Variants in RIT2 observed in about 807,000 individuals in gnomAD.
RIT2 encodes GTP-binding protein Rit2.
RIT2 carries 24 observed loss-of-function variants against 23.7 expected under a neutral mutation model. That is an observed-to-expected ratio of 1.01 (90% CI 0.73 to 1.43). The LOEUF is 1.43. Among genes scored for constraint, RIT2 ranks in the 40% most tolerant of loss-of-function variants. The probability of loss-of-function intolerance (pLI) is 0.00; values close to 1 mark genes in which losing one functional copy is unlikely to be tolerated. For missense variants in RIT2, 236 were observed against 266.9 expected, an observed-to-expected ratio of 0.88 and a Z score of 0.81; for synonymous variants, 107 against 91.1, an observed-to-expected ratio of 1.17 and a Z score of -0.99.
intron 4 of RIT2, among the ~76,000 whole-genome samples, chr18:42,792,110 A>G (rs771674636): frequency 2.6e-5 from 4 of 152,218 alleles, no homozygotes; most frequent in Non-Finnish European, 2.9e-5. Flanking sequence ...ATGGATAGGG[A>G]AAAAATAAAT....
intron 2 of RIT2, among the ~76,000 whole-genome samples, chr18:42,990,914 T>TTTG (rs1555650888): frequency 1.1e-4 from 16 of 148,394 alleles, no homozygotes; most frequent in South Asian, 4.2e-4. Flanking sequence ...CTGGTTTTGT[T>TTTG]TTTTTTTTTT....
At chr18:42,805,568 A>G (rs1346871868) in intron 4 of RIT2, among the ~76,000 whole-genome samples, 1 of 152,236 alleles carries the variant, frequency 6.6e-6, no homozygotes, top group Non-Finnish European at 1.5e-5. Flanking sequence ...ATTGCATTTC[A>G]AATGAATCTT....
intron 2 of RIT2, among the ~76,000 whole-genome samples, chr18:42,999,696 A>T (rs1219615693): frequency 2.0e-5 from 3 of 152,050 alleles, no homozygotes; most frequent in Non-Finnish European, 2.9e-5. Flanking sequence ...TTATCAGGAC[A>T]CTTGAAGGTT....
At chr18:42,940,236 C>CTATA (rs5824460) in intron 3 of RIT2, among the ~76,000 whole-genome samples, 7,438 of 86,662 alleles carry the variant, frequency 0.086, 427 homozygotes, top group Middle Eastern at 0.12. Flanking sequence ...GAAAGGCTCA[C>CTATA]TATATATATA....
chr18:43,008,661 C>T (rs1476033434), intron 2 of RIT2, among the ~76,000 whole-genome samples: 1 of 150,988 alleles, frequency 6.6e-6, no homozygotes, highest in Admixed American at 6.6e-5. Context: ...TGAAATAAAC[C>T]TTACACTATT....
chr18:42,889,848 A>G (rs1319487305), intron 4 of RIT2, among the ~76,000 whole-genome samples: 1 of 152,104 alleles, frequency 6.6e-6, no homozygotes, highest in Non-Finnish European at 1.5e-5. Flanking sequence ...TTTGCTATTT[A>G]TAATCCATTA....
At chr18:43,002,415 C>G (rs958456932) in intron 2 of RIT2, among the ~76,000 whole-genome samples, 4 of 151,918 alleles carry the variant, frequency 2.6e-5, no homozygotes, top group African/African-American at 9.7e-5. Context: ...CAGACACACC[C>G]AGGAACAATA....
At chr18:42,991,855 G>A (rs1420201559) in intron 2 of RIT2, among the ~76,000 whole-genome samples, 1 of 150,852 alleles carries the variant, frequency 6.6e-6, no homozygotes, top group East Asian at 2.0e-4. Flanking sequence ...ATCTCCCTTC[G>A]CTGACTCTCT....
At chr18:42,990,505 T>A (rs1910816945) in intron 2 of RIT2, among the ~76,000 whole-genome samples, 1 of 152,202 alleles carries the variant, frequency 6.6e-6, no homozygotes, top group African/African-American at 2.4e-5. Context: ...CAGAAACCGT[T>A]ACACTCCCTA....
chr18:42,807,581 C>G (rs887432514), intron 4 of RIT2, among the ~76,000 whole-genome samples: 4 of 152,160 alleles, frequency 2.6e-5, no homozygotes, highest in Admixed American at 2.6e-4. Context: ...CGCACCACTG[C>G]ACTCCAGCCT....
chr18:43,099,438 TTAAC>T (rs1913631230), intron 1 of RIT2, among the ~76,000 whole-genome samples: 2 of 152,124 alleles, frequency 1.3e-5, no homozygotes, highest in Admixed American at 1.3e-4. Flanking sequence ...CTTCCTCACC[TTAAC>T]TGTCAGTCAT....
chr18:43,112,046 G>C (rs1568085766), intron 1 of RIT2, among the ~76,000 whole-genome samples: 1 of 151,766 alleles, frequency 6.6e-6, no homozygotes, highest in Non-Finnish European at 1.5e-5. Flanking sequence ...GTTCAATTAG[G>C]TTAAAGATTA....
chr18:42,916,018 T>C (rs1908900784), intron 4 of RIT2, among the ~76,000 whole-genome samples: 1 of 151,980 alleles, frequency 6.6e-6, no homozygotes, highest in African/African-American at 2.4e-5. Flanking sequence ...TCTTATAGTG[T>C]CCCAAAATAA....
chr18:43,079,566 A>C (rs1225159834), intron 1 of RIT2, among the ~76,000 whole-genome samples: 2 of 152,206 alleles, frequency 1.3e-5, no homozygotes, highest in Non-Finnish European at 2.9e-5. Flanking sequence ...ATGACAGCTA[A>C]AGCTGTCAAG....
intron 2 of RIT2, among the ~76,000 whole-genome samples, chr18:43,021,162 T>C (rs1472739675): frequency 6.6e-6 from 1 of 151,836 alleles, no homozygotes; most frequent in Non-Finnish European, 1.5e-5. Context: ...AAAAACTCAA[T>C]AGCAAAAAAG....
chr18:42,900,582 G>A (rs1395301081), intron 4 of RIT2, among the ~76,000 whole-genome samples: 1 of 151,934 alleles, frequency 6.6e-6, no homozygotes, highest in East Asian at 1.9e-4. Context: ...TAAAGCCAAA[G>A]CATCATACCA....
At chr18:42,979,408 A>G (rs1910545396) in intron 2 of RIT2, among the ~76,000 whole-genome samples, 2 of 152,162 alleles carry the variant, frequency 1.3e-5, no homozygotes, top group Non-Finnish European at 2.9e-5. Flanking sequence ...ATAATCTGAA[A>G]TATATAATTC....
At chr18:43,022,403 A>G (rs1911617756) in intron 2 of RIT2, among the ~76,000 whole-genome samples, 1 of 152,134 alleles carries the variant, frequency 6.6e-6, no homozygotes, top group Non-Finnish European at 1.5e-5. Context: ...GAGTAGGGTA[A>G]CTACAGTTAA....
At position 42,757,280 on chromosome 18, in the gene RIT2, T is replaced by C. The variant is rs555548322; in HGVS notation, c.427-13560A>G. Among the ~76,000 whole-genome samples, 10 of 152,316 alleles carry C rather than the reference T, an allele frequency of 6.6e-5. 1 individual carries two copies. In the East Asian group the frequency reaches 1.9e-3, roughly 29 times the overall value. ...TGTCAAAATGCTTGATTACATATGT[T>C]GTCAGGTTAGAACATGGCCCTGCAG... is the stretch of plus-strand genomic sequence containing the variant. On this transcript the variant is annotated intron_variant, in intron 4 of 4. Transcript: ENST00000326695.
Sources: allele counts gnomAD v4.1 joint callset (sites outside exome capture counted in the v4.1 genomes callset), GRCh38; gene constraint gnomAD v4.1.1; transcripts MANE v1.5; gene names NCBI Gene and HGNC (gene_info 2026-07-23, HGNC 2026-07-21).